TSG101: variants seen among roughly 807,000 people sequenced by gnomAD.
The protein encoded by TSG101 is tumor susceptibility 101.
A neutral mutation model predicts 48.5 loss-of-function variants in TSG101; 19 were observed. The ratio of observed to expected loss-of-function variants is 0.39; its 90% CI spans 0.27 to 0.58. TSG101 has a LOEUF of 0.58. Among genes scored for constraint, TSG101 ranks in the 20% least tolerant of loss-of-function variants. TSG101 has a pLI of 0.55. For synonymous variants in TSG101, 174 were observed against 169.4 expected (o/e 1.03, Z -0.21); for missense variants, 365 against 484.4 (o/e 0.75, Z 2.31).
intron 7 of TSG101, among the ~76,000 whole-genome samples, chr11:18,491,255 T>C (rs1849697203): frequency 6.6e-6 from 1 of 151,814 alleles, no homozygotes; most frequent in Non-Finnish European, 1.5e-5. Flanking sequence ...CTAATTAGAG[T>C]GTTCTTTATC....
chr11:18,509,133 G>C (rs1378471525), intron 5 of TSG101, among the ~76,000 whole-genome samples: 1 of 152,196 alleles, frequency 6.6e-6, no homozygotes, highest in Admixed American at 6.5e-5. Flanking sequence ...AGCTGAATGT[G>C]AACGCTTCAG....
chr11:18,504,881 T>G (rs917313369), intron 6 of TSG101, among the ~76,000 whole-genome samples: 1 of 152,194 alleles, frequency 6.6e-6, no homozygotes, highest in Non-Finnish European at 1.5e-5. Flanking sequence ...TCAGAAAATT[T>G]AGGGCCTCAA....
rs142324138 is a variant in TSG101, at chr11:18,490,000, C to G, written c.641-5928G>C. Among the ~76,000 whole-genome samples the G allele has an allele frequency of 4.1e-3, 622 of 152,228 alleles. 8 individuals are homozygous for G. The highest frequency in any genetic ancestry group is 0.014 in the African/African-American group (585 of 41,526). On this transcript the variant is annotated intron_variant, in intron 7 of 9. Transcript: ENST00000251968. Reference sequence around the variant, plus strand: ...CAGTGTTGAATTAAAAAAAATTAAACACACAGTAATCCTGTCAATGTTAAT... The same window carrying G: ...CAGTGTTGAATTAAAAAAAATTAAAGACACAGTAATCCTGTCAATGTTAAT...
At chr11:18,486,203 T>C (rs1849618169) in intron 7 of TSG101, among the ~76,000 whole-genome samples, 1 of 152,184 alleles carries the variant, frequency 6.6e-6, no homozygotes, top group African/African-American at 2.4e-5. Flanking sequence ...TGTCAGTGCA[T>C]CCCCATTCTT....
chr11:18,512,723 AT>A (rs776263228), intron 4 of TSG101, among the ~76,000 whole-genome samples: 177 of 120,344 alleles, frequency 1.5e-3, no homozygotes, highest in African/African-American at 2.6e-3. Context: ...GGACAGACAG[AT>A]TTTTTTTTTT....
intron 4 of TSG101, among the ~76,000 whole-genome samples, chr11:18,513,390 G>A (rs953700951): frequency 2.0e-5 from 3 of 152,140 alleles, no homozygotes; most frequent in African/African-American, 7.2e-5. Context: ...CGAATTCCCA[G>A]GCTCAAGTGA....
chr11:18,516,000 G>A, intron 3 of TSG101, 99 bp downstream of exon 3: 5 of 1,010,846 alleles, frequency 4.9e-6, no homozygotes, highest in Non-Finnish European at 7.2e-6. Context: ...CAGCATCAAA[G>A]CCCTGAGAAA....
chr11:18,496,994 G>A (rs1849793278), intron 7 of TSG101, among the ~76,000 whole-genome samples: 2 of 152,130 alleles, frequency 1.3e-5, no homozygotes, highest in Admixed American at 6.5e-5. Flanking sequence ...GGGAGGCTGA[G>A]GCAGTAGAAC....
intron 7 of TSG101, chr11:18,490,264 T>C (rs1849679579): frequency 1.8e-6 from 1 of 544,462 alleles, no homozygotes; most frequent in Non-Finnish European, 3.6e-6. Flanking sequence ...ATCTCCTTCA[T>C]CTTCCTGGTT....
chr11:18,488,689 G>C (rs1428901351), intron 7 of TSG101, among the ~76,000 whole-genome samples: 1 of 152,098 alleles, frequency 6.6e-6, no homozygotes, highest in Non-Finnish European at 1.5e-5. Context: ...GCTCACTAAT[G>C]TCTCTCACCC....
chr11:18,491,975 C>T (rs538803338), intron 7 of TSG101, among the ~76,000 whole-genome samples: 8 of 152,044 alleles, frequency 5.3e-5, no homozygotes, highest in African/African-American at 9.6e-5. Context: ...GAATTTAGAC[C>T]GAATAAAAAT....
intron 8 of TSG101, 166 bp downstream of exon 8, chr11:18,483,702 CAT>C: frequency 1.4e-6 from 1 of 701,516 alleles, no homozygotes. Flanking sequence ...AAATGCCAAA[CAT>C]AGGCTCCACT....
At chr11:18,516,054 T>C (rs1253574550) in intron 3 of TSG101, 45 bp downstream of exon 3, 4 of 1,525,422 alleles carry the variant, frequency 2.6e-6, no homozygotes, top group Admixed American at 1.8e-5. Context: ...ATATTTATTA[T>C]GTATTCAAAA....
intron 7 of TSG101, among the ~76,000 whole-genome samples, chr11:18,496,215 G>C (rs907725939): frequency 6.6e-6 from 1 of 152,034 alleles, no homozygotes; most frequent in Non-Finnish European, 1.5e-5. Context: ...TGTAATCCCA[G>C]CACTTTGGGA....
chr11:18,499,255 T>C (rs976089366), intron 7 of TSG101, among the ~76,000 whole-genome samples: 2 of 118,952 alleles, frequency 1.7e-5, no homozygotes, highest in Non-Finnish European at 3.6e-5. Context: ...ATTTATATAT[T>C]ATATATATTT....
Position 18,488,778 on chromosome 11 carries a change from G to A in TSG101, c.641-4706C>T, listed in dbSNP as rs1270812992. Among the ~76,000 whole-genome samples, 4 of 152,174 alleles carry A rather than the reference G, an allele frequency of 2.6e-5. No homozygotes were observed. In the East Asian group the frequency reaches 7.7e-4, roughly 29 times the overall value. ...AAAAAGCAAAAAAAGGAAGGAAGCA[G>A]AAGGACAGAAATTTAGAGAGGAGGG... On this transcript the variant is annotated intron_variant, in intron 7 of 9. Coordinates refer to ENST00000251968, the MANE Select transcript of TSG101 (RefSeq NM_006292.4).
chr11:18,512,723 ATTT>A (rs776263228), intron 4 of TSG101, among the ~76,000 whole-genome samples: 4 of 120,364 alleles, frequency 3.3e-5, no homozygotes, highest in African/African-American at 6.2e-5. Context: ...GGACAGACAG[ATTT>A]TTTTTTTTTT....
At chr11:18,502,414 G>T in intron 7 of TSG101, 72 bp downstream of exon 7, 1 of 1,262,804 alleles carries the variant, frequency 7.9e-7, no homozygotes, top group Non-Finnish European at 1.1e-6. Context: ...ATTCACAAGT[G>T]AAATGTGCTT....
chr11:18,486,974 T>C (rs377685617), intron 7 of TSG101, among the ~76,000 whole-genome samples: 2 of 151,582 alleles, frequency 1.3e-5, no homozygotes, highest in African/African-American at 2.4e-5. Flanking sequence ...TGTAGGGACA[T>C]GGATGAAGCT....
Sources: allele counts gnomAD v4.1 joint callset (sites outside exome capture counted in the v4.1 genomes callset), GRCh38; gene constraint gnomAD v4.1.1; transcripts MANE v1.5; gene names NCBI Gene and HGNC (gene_info 2026-07-23, HGNC 2026-07-21).